RAB38: variants seen among roughly 807,000 people sequenced by gnomAD.
The protein encoded by RAB38 is ras-related protein Rab-38.
RAB38 carries 15 observed loss-of-function variants against 18.4 expected under a neutral mutation model. The ratio of observed to expected loss-of-function variants is 0.82; its 90% CI spans 0.55 to 1.26. The LOEUF (loss-of-function observed/expected upper bound fraction) is 1.26, where lower values mean the gene tolerates loss of function less well. Ranked by LOEUF, RAB38 falls within the 50% of genes most tolerant of loss-of-function variation. The pLI is 0.00. For synonymous variants in RAB38, 101 were observed against 104.4 expected, an observed-to-expected ratio of 0.97 and a Z score of 0.20; for missense variants, 294 against 267.4, an observed-to-expected ratio of 1.10 and a Z score of -0.69.
chr11:88,068,195 A>G, the RAB38 span, among the ~76,000 whole-genome samples: 1 of 152,134 alleles, frequency 6.6e-6, no homozygotes, highest in East Asian at 1.9e-4. Context: ...GGACTAGACC[A>G]GTGGACCCCT....
the RAB38 span, among the ~76,000 whole-genome samples, chr11:87,932,909 T>G: frequency 4.6e-5 from 7 of 152,134 alleles, no homozygotes; most frequent in Non-Finnish European, 8.8e-5. Flanking sequence ...TATTGAAATT[T>G]TATTTTCTTA....
chr11:88,137,768 CAGGGGTAA>C (rs1309338973), intron 2 of RAB38, among the ~76,000 whole-genome samples: 1 of 151,930 alleles, frequency 6.6e-6, no homozygotes, highest in Non-Finnish European at 1.5e-5. Flanking sequence ...TTCAGATTAC[CAGGGGTAA>C]AGAGATGATT....
chr11:87,936,749 C>G, the RAB38 span, among the ~76,000 whole-genome samples: 28 of 152,114 alleles, frequency 1.8e-4, no homozygotes, highest in African/African-American at 6.5e-4. Context: ...TTACATTAAA[C>G]CTGATTATCA....
At chr11:87,977,321 A>C in the RAB38 span, among the ~76,000 whole-genome samples, 1 of 130,546 alleles carries the variant, frequency 7.7e-6, no homozygotes, top group African/African-American at 3.0e-5. Flanking sequence ...ATATAATTAT[A>C]TTATACAAGT....
At chr11:87,878,340 T>TATCTATCATC in the RAB38 span, among the ~76,000 whole-genome samples, 1 of 149,826 alleles carries the variant, frequency 6.7e-6, no homozygotes. Context: ...ATCATCTATC[T>TATCTATCATC]ATCTATCATC....
chr11:87,953,718 C>G, the RAB38 span, among the ~76,000 whole-genome samples: 1 of 152,088 alleles, frequency 6.6e-6, no homozygotes, highest in South Asian at 2.1e-4. Context: ...CAGTGAGAGT[C>G]TTGCAACATA....
the RAB38 span, among the ~76,000 whole-genome samples, chr11:88,047,177 C>T: frequency 6.6e-6 from 1 of 152,198 alleles, no homozygotes; most frequent in African/African-American, 2.4e-5. Context: ...GCTCCCCCGG[C>T]TCCTTCAGCT....
At chr11:88,107,430 G>C in the RAB38 span, among the ~76,000 whole-genome samples, 1 of 151,892 alleles carries the variant, frequency 6.6e-6, no homozygotes, top group African/African-American at 2.4e-5. Flanking sequence ...TTAAAAATAA[G>C]CATAGTAGTA....
chr11:87,957,159 C>T, the RAB38 span, among the ~76,000 whole-genome samples: 3 of 152,168 alleles, frequency 2.0e-5, no homozygotes, highest in African/African-American at 7.2e-5. Flanking sequence ...ATTGATTCCC[C>T]CTTTGTCCCT....
chr11:88,131,415 C>T (rs1172866875), intron 2 of RAB38, among the ~76,000 whole-genome samples: 1 of 152,126 alleles, frequency 6.6e-6, no homozygotes, highest in Non-Finnish European at 1.5e-5. Flanking sequence ...TGCAATATCT[C>T]CTCTTCCTTT....
At chr11:87,977,485 TATATA>T in the RAB38 span, among the ~76,000 whole-genome samples, 25 of 47,120 alleles carry the variant, frequency 5.3e-4, 3 homozygotes, top group East Asian at 1.4e-3. Flanking sequence ...TATATAATTA[TATATA>T]ATATAATTTT....
At chr11:87,894,663 A>G in the RAB38 span, among the ~76,000 whole-genome samples, 1 of 151,396 alleles carries the variant, frequency 6.6e-6, no homozygotes, top group Non-Finnish European at 1.5e-5. Flanking sequence ...AATAACGTCA[A>G]GTATGCCTAC....
chr11:88,166,457 T>C (rs1943244760), intron 1 of RAB38: 1 of 152,132 alleles, frequency 6.6e-6, no homozygotes, highest in Admixed American at 6.6e-5. Flanking sequence ...TGGTTCTAAT[T>C]CTACCACTAA....
chr11:88,124,527 T>G (rs1942668925), intron 2 of RAB38, among the ~76,000 whole-genome samples: 1 of 151,016 alleles, frequency 6.6e-6, no homozygotes. Flanking sequence ...GAAAAAATGC[T>G]CATCATCACT....
chr11:87,973,213 C>T, the RAB38 span, among the ~76,000 whole-genome samples: 2 of 151,908 alleles, frequency 1.3e-5, no homozygotes, highest in Non-Finnish European at 2.9e-5. Flanking sequence ...AATAAACAAG[C>T]AAATGATCAT....
intron 2 of RAB38, among the ~76,000 whole-genome samples, chr11:88,148,572 G>T (rs919664843): frequency 1.3e-5 from 2 of 152,106 alleles, no homozygotes; most frequent in African/African-American, 4.8e-5. Flanking sequence ...AAACCCATTA[G>T]AGGTTCCTCC....
chr11:87,893,838 C>G, the RAB38 span, among the ~76,000 whole-genome samples: 1 of 151,756 alleles, frequency 6.6e-6, no homozygotes, highest in Non-Finnish European at 1.5e-5. Flanking sequence ...TATATGAAAT[C>G]AAGAAGTGTG....
chr11:88,168,957 T>G (rs892747516), intron 1 of RAB38, among the ~76,000 whole-genome samples: 4 of 152,228 alleles, frequency 2.6e-5, no homozygotes, highest in African/African-American at 9.6e-5. Flanking sequence ...TCACAGCATG[T>G]GTAATCTATA....
the RAB38 span, among the ~76,000 whole-genome samples, chr11:87,845,326 T>G: frequency 1.3e-5 from 2 of 151,750 alleles, no homozygotes; most frequent in African/African-American, 4.8e-5. Flanking sequence ...TTGTAAAAAA[T>G]AAAACATCAA....
Sources: gnomAD v4.1 joint callset for allele counts (sites outside exome capture counted in the v4.1 genomes callset) on GRCh38, gnomAD v4.1.1 for gene constraint, MANE v1.5 for transcripts, NCBI Gene and HGNC (gene_info 2026-07-23, HGNC 2026-07-21) for gene names.